The following SLC22A25 variants were observed in gnomAD, a reference collection of about 807,000 sequenced individuals.
The protein encoded by SLC22A25 is MGI:2442751, MGI:2385316, MGI:3042283, MGI:3645714, MGI:3605624, MGI:2442750.
SLC22A25 carries 44 observed loss-of-function variants against 45.9 expected under a neutral mutation model. The ratio of observed to expected loss-of-function variants is 0.96; its 90% CI spans 0.75 to 1.23. SLC22A25 has a LOEUF of 1.23. Ranked by LOEUF, SLC22A25 falls within the 50% of genes most tolerant of loss-of-function variation. The pLI is 0.00. For missense variants in SLC22A25, 800 were observed against 666.4 expected (o/e 1.20, Z -2.21); for synonymous variants, 283 against 238.6 (o/e 1.19, Z -1.72).
intron 6 of SLC22A25, 26 bp from the exon 7 acceptor site, chr11:63,217,508 A>G: frequency 6.2e-7 from 1 of 1,612,084 alleles, no homozygotes; most frequent in Non-Finnish European, 8.5e-7. Context: ...AACAAGATTT[A>G]GCTTTAAATA....
intron 7 of SLC22A25, among the ~76,000 whole-genome samples, chr11:63,184,260 A>C (rs1485099391): frequency 2.6e-5 from 4 of 152,130 alleles, no homozygotes; most frequent in African/African-American, 9.7e-5. Context: ...CTATGACCAA[A>C]ACTGGATATA....
intron 3 of SLC22A25, among the ~76,000 whole-genome samples, chr11:63,234,877 C>T (rs1227021896): frequency 3.9e-5 from 6 of 152,190 alleles, no homozygotes; most frequent in African/African-American, 1.4e-4. Context: ...TAAATTATTT[C>T]ATTTCTCCTT....
chr11:63,219,649 A>G (rs2089804250), intron 5 of SLC22A25, among the ~76,000 whole-genome samples: 5 of 152,174 alleles, frequency 3.3e-5, no homozygotes, highest in Admixed American at 2.6e-4. Flanking sequence ...CTGTCTCTGC[A>G]TATGATCAAT....
chr11:63,183,621 T>C (rs2088407899), intron 8 of SLC22A25, 73 bp downstream of exon 8: 2 of 1,595,046 alleles, frequency 1.3e-6, no homozygotes, highest in Non-Finnish European at 1.7e-6. Context: ...TTATTCACCT[T>C]ATGAACACCA....
chr11:63,231,103 A>G (rs766998764), intron 3 of SLC22A25, among the ~76,000 whole-genome samples: 39 of 152,330 alleles, frequency 2.6e-4, no homozygotes, highest in African/African-American at 8.4e-4. Context: ...TAGTGCCACA[A>G]TAAACATACA....
chr11:63,229,162 T>A (rs2090020480), intron 4 of SLC22A25, 89 bp downstream of exon 4: 4 of 1,359,114 alleles, frequency 2.9e-6, no homozygotes. Context: ...AGCACCTACA[T>A]GTGACTAAAG....
At chr11:63,201,164 T>C (rs937052571) in intron 7 of SLC22A25, among the ~76,000 whole-genome samples, 6 of 152,226 alleles carry the variant, frequency 3.9e-5, no homozygotes, top group African/African-American at 1.4e-4. Context: ...TTAAAATACA[T>C]ATGAAACCAA....
chr11:63,194,172 C>A (rs2134760890), intron 7 of SLC22A25, among the ~76,000 whole-genome samples: 1 of 152,096 alleles, frequency 6.6e-6, no homozygotes, highest in African/African-American at 2.4e-5. Flanking sequence ...TGTGAAAAGA[C>A]CAAATCTATG....
Position 63,228,467 on chromosome 11 carries a change from G to A in SLC22A25, c.500C>T (p.Ser167Leu). Residue 167 changes from serine to leucine, a missense_variant, in exon 5 of 12, where the codon TCA becomes TTA. Ser to Leu is a moderately radical substitution (Grantham distance 145, BLOSUM62 -2). Transcript: ENST00000306494. ...MVGGNLYGHLSDRFGRKFVLR... is the reference protein window; with the variant it reads ...MVGGNLYGHLLDRFGRKFVLR... ...ATGCTCCATAGACACTCACCTGTCT[G>A]ACAAATGGCCATATAGGTTGCCTCC... 1.2e-6 allele frequency: 2 copies of A among 1,609,560 alleles called. No homozygotes were observed. Among genetic ancestry groups the A allele is most frequent in the Non-Finnish European group, 8.5e-7 (1 of 1,176,198 alleles).
chr11:63,242,400 G>A (rs773365013), intron 1 of SLC22A25, among the ~76,000 whole-genome samples: 1 of 152,204 alleles, frequency 6.6e-6, no homozygotes, highest in Non-Finnish European at 1.5e-5. Context: ...CTGGATTTCA[G>A]AACTGCTATA....
chr11:63,181,417 G>T, intron 8 of SLC22A25, among the ~76,000 whole-genome samples: 1 of 123,030 alleles, frequency 8.1e-6, no homozygotes, highest in South Asian at 2.7e-4. Context: ...AACAGTCCTG[G>T]TGTGTGATGT....
At chr11:63,182,705 AAGATTTTC>A (rs1276894937) in intron 8 of SLC22A25, among the ~76,000 whole-genome samples, 1 of 151,984 alleles carries the variant, frequency 6.6e-6, no homozygotes, top group East Asian at 1.9e-4. Flanking sequence ...AACTCACAGG[AAGATTTTC>A]AGGCTTCTTA....
chr11:63,176,578 T>G (rs1427141794), intron 9 of SLC22A25, among the ~76,000 whole-genome samples: 1 of 152,032 alleles, frequency 6.6e-6, no homozygotes, highest in Admixed American at 6.6e-5. Flanking sequence ...AGATTGCATT[T>G]GTTTATTAGC....
intron 9 of SLC22A25, among the ~76,000 whole-genome samples, chr11:63,171,293 T>C (rs989995662): frequency 2.6e-5 from 4 of 152,086 alleles, no homozygotes; most frequent in African/African-American, 7.2e-5. Flanking sequence ...TTCAACATAG[T>C]ATTGGAAGTT....
intron 3 of SLC22A25, among the ~76,000 whole-genome samples, chr11:63,234,276 C>G (rs2090124584): frequency 6.6e-6 from 1 of 152,114 alleles, no homozygotes; most frequent in Admixed American, 6.6e-5. Context: ...GAGTCTAAGT[C>G]TCTTTGTATG....
intron 11 of SLC22A25, 72 bp downstream of exon 11, chr11:63,164,454 T>C (rs927042740): frequency 6.9e-6 from 9 of 1,301,366 alleles, no homozygotes; most frequent in East Asian, 2.3e-5. Context: ...TGGATTTTTT[T>C]CCCTTGTTAA....
chr11:63,194,608 A>C (rs2088936580), intron 7 of SLC22A25, among the ~76,000 whole-genome samples: 1 of 152,166 alleles, frequency 6.6e-6, no homozygotes, highest in South Asian at 2.1e-4. Context: ...CACTGCAGAA[A>C]CATGCCAAAT....
At chr11:63,205,376 T>C (rs538930902) in intron 7 of SLC22A25, among the ~76,000 whole-genome samples, 62 of 152,114 alleles carry the variant, frequency 4.1e-4, no homozygotes, top group Admixed American at 1.3e-3. Context: ...AGCAGCTGTT[T>C]TTTGAAAAAA....
At position 63,201,575 on chromosome 11, in the gene SLC22A25, T is replaced by C. The variant is rs369690293; in HGVS notation, c.830+15739A>G. Among the ~76,000 whole-genome samples the C allele has an allele frequency of 3.2e-4, 49 of 152,114 alleles. 3 individuals carry two copies. The highest frequency in any genetic ancestry group is 2.3e-3 in the East Asian group (12 of 5,176). On this transcript the variant is annotated intron_variant, in intron 7 of 11. Coordinates refer to ENST00000306494, the MANE Select transcript of SLC22A25 (RefSeq NM_199352.6). ...AAACCCTGGAAGACAACCTAGGCAA[T>C]ACCATTCAGGACATAGGCACAGGAA...
Sources: gnomAD v4.1 joint callset for allele counts (sites outside exome capture counted in the v4.1 genomes callset) on GRCh38, gnomAD v4.1.1 for gene constraint, MANE v1.5 for transcripts, NCBI Gene and HGNC (gene_info 2026-07-23, HGNC 2026-07-21) for gene names.